TEX35: variants seen among roughly 807,000 people sequenced by gnomAD.
TEX35 encodes the protein testis expressed 35, also known as testis-expressed protein 35.
A neutral mutation model predicts 31.9 loss-of-function variants in TEX35; 26 were observed. That is an observed-to-expected ratio of 0.81 (90% CI 0.60 to 1.13). The LOEUF is 1.13. TEX35 is among the 50% of genes most tolerant of loss of function. The pLI is 0.00. For missense variants in TEX35, 278 were observed against 273.5 expected (o/e 1.02, Z -0.12); for synonymous variants, 87 against 90.7 (o/e 0.96, Z 0.23).
chr1:178,521,400 C>T, intron 8 of TEX35, 136 bp downstream of exon 8: 1 of 1,123,742 alleles, frequency 8.9e-7, no homozygotes, highest in Non-Finnish European at 1.4e-6. Context: ...GCAGATGCTG[C>T]CACCCAGCAT....
downstream of TEX35, chr1:178,523,176 G>C: frequency 3.3e-6 from 2 of 612,676 alleles, no homozygotes; most frequent in Non-Finnish European, 5.9e-6. Flanking sequence ...GTGTGTGTAC[G>C]ATATTTTCCT....
chr1:178,520,350 A>G, intron 5 of TEX35, 22 bp from the exon 6 acceptor site: 1 of 1,609,626 alleles, frequency 6.2e-7, no homozygotes, highest in Non-Finnish European at 8.5e-7. Flanking sequence ...TGAAGATGCT[A>G]GTTCTGAATT....
Position 178,521,272 on chromosome 1 carries a change from G to T in TEX35, c.586+8G>T. Reference sequence around the variant, plus strand: ...AGAACAACTACAATCGGGGTAGGTAGATTCATACAAGATGTGCCTTTTCTC... The same window carrying T: ...AGAACAACTACAATCGGGGTAGGTATATTCATACAAGATGTGCCTTTTCTC... On this transcript the variant is annotated splice_region_variant and intron_variant, in intron 8 of 8. Transcript: ENST00000319416. 1 of 1,614,210 alleles carries T rather than the reference G, an allele frequency of 6.2e-7. No individual in the cohort carries two copies. Among genetic ancestry groups the T allele is most frequent in the Non-Finnish European group, 8.5e-7 (1 of 1,180,030 alleles).
Position 178,520,833 on chromosome 1 carries a change from C to G in TEX35, c.502C>G (p.Gln168Glu). The G allele has an allele frequency of 3.1e-6, 5 of 1,614,184 alleles. No individual in the cohort carries two copies. The highest frequency in any genetic ancestry group is 4.2e-6 in the Non-Finnish European group (5 of 1,180,030). ...GACGATGGCACCACAAAAAACAAAA[C>G]AGGGCTCACTGGATCCCCTTCATCA... The part of the protein sequence containing the change: ...KKTMAPQKTK[Q>E]GSLDPLHHCG... The change falls in exon 7 of 9, where the codon CAG (glutamine) becomes GAG (glutamate). Residue 168 changes from glutamine to glutamate, a missense_variant. By Grantham distance (29) the Gln-to-Glu change is conservative (BLOSUM62 2). Transcript: ENST00000319416.
rs1304576450 is a variant in TEX35, at chr1:178,515,767, T to G, written c.160-92T>G. The G allele has an allele frequency of 3.1e-6, 3 of 981,000 alleles. No homozygotes were observed. The East Asian group carries it at 7.8e-5, about 25-fold the overall frequency. 60.8% of individuals were successfully genotyped at this position (981,000 alleles called of 1,614,324 possible). On this transcript the variant is annotated intron_variant, in intron 3 of 8. Coordinates refer to ENST00000319416, the MANE Select transcript of TEX35 (RefSeq NM_032126.5). ...CCTATTGAAAGCTTTTCTCTGACAGTGTCCCAGGATCTTTCCTTTCCTCCT... is the reference window on the plus strand; with the variant it reads ...CCTATTGAAAGCTTTTCTCTGACAGGGTCCCAGGATCTTTCCTTTCCTCCT...
chr1:178,515,949 A>T, intron 4 of TEX35, 34 bp downstream of exon 4: 3 of 1,526,326 alleles, frequency 2.0e-6, no homozygotes, highest in Non-Finnish European at 2.7e-6. Flanking sequence ...TCATGGAGGG[A>T]AAGTGTAGCT....
In TEX35 at chr1:178,515,922, A is replaced by C. The variant is rs1650059011; in HGVS notation, c.216+7A>C. On this transcript the variant is annotated splice_region_variant and intron_variant, in intron 4 of 8. Coordinates refer to ENST00000319416, the MANE Select transcript of TEX35 (RefSeq NM_032126.5). ...AATGGAGGAGATAAAACAGGTAAGA[A>C]GATGAGGCCTTCCATATCATGGAGG... is the stretch of plus-strand genomic sequence containing the variant. The C allele has an allele frequency of 1.2e-6, 2 of 1,608,180 alleles. No individual in the cohort carries two copies. Among genetic ancestry groups the C allele is most frequent in the African/African-American group, 1.3e-5 (1 of 74,922 alleles).
At chr1:178,513,967 A>T in intron 1 of TEX35, 60 bp from the exon 2 acceptor site, 1 of 1,590,676 alleles carries the variant, frequency 6.3e-7, no homozygotes, top group Middle Eastern at 1.7e-4. Context: ...CAAGGGCCAG[A>T]TGTTCTCCTC....
chr1:178,521,694 A>T (rs1172229048), intron 8 of TEX35: 17 of 1,551,962 alleles, frequency 1.1e-5, no homozygotes, highest in Middle Eastern at 1.7e-4. Context: ...ACCTACCAGC[A>T]GTTCCGATTC....
At chr1:178,522,745 G>A (rs116487519), downstream of TEX35, 1,317 of 870,924 alleles carry the variant, frequency 1.5e-3, 15 homozygotes, top group African/African-American at 0.022. Context: ...ACAAAGTTAT[G>A]CAAGGTGAAA....
rs965510046 is a variant in TEX35 at position 178,514,247 on chromosome 1, T to C, written c.90+170T>C. Reference sequence around the variant, plus strand: ...GAACTTCACACTGTAACCAATCAGATACATAAACGAACAAGGACTCATTCA... The same window carrying C: ...GAACTTCACACTGTAACCAATCAGACACATAAACGAACAAGGACTCATTCA... On this transcript the variant is annotated intron_variant, in intron 2 of 8. Transcript: ENST00000319416. The C allele has an allele frequency of 6.5e-6, 10 of 1,528,430 alleles. No individual in the cohort carries two copies. The African/African-American group carries it at 1.2e-4, about 19-fold the overall frequency. The allele number at this position is 1,528,430 out of a possible 1,614,324, so 94.7% of individuals were successfully genotyped here.
At position 178,520,741 on chromosome 1, in the gene TEX35, AG is replaced by A. The variant is rs780052363; in HGVS notation, c.411del (p.Gln137HisfsTer53). ...ATGGGAAAGACTCACAGAGAACCAC[AG>A]CTCAGGCCCAAGAAAATGGATGGAG... The part of the protein sequence containing the change: ...RLMGKTHREP[Q>X]LRPKKMDGAS... On this transcript the variant is annotated frameshift_variant, in exon 7 of 9. Transcript: ENST00000319416. LOFTEE classifies it high-confidence loss of function. 1 of 1,614,174 alleles carries A rather than the reference AG, an allele frequency of 6.2e-7. No individual in the cohort carries two copies. The highest frequency in any genetic ancestry group is 8.5e-7 in the Non-Finnish European group (1 of 1,180,034).
intron 2 of TEX35, 91 bp downstream of exon 2, chr1:178,514,168 G>A: frequency 6.2e-7 from 1 of 1,607,566 alleles, no homozygotes; most frequent in East Asian, 2.2e-5. Flanking sequence ...TGATCCTAGT[G>A]GCCAAGATTT....
At chr1:178,523,243 G>A, downstream of TEX35, 1 of 697,186 alleles carries the variant, frequency 1.4e-6, no homozygotes, top group Non-Finnish European at 2.6e-6. Context: ...TGTGAACAGT[G>A]ATGCAACAAA....
intron 3 of TEX35, among the ~76,000 whole-genome samples, 162 bp downstream of exon 3, chr1:178,514,930 A>G (rs12754916): frequency 0.023 from 3,457 of 152,316 alleles, 62 homozygotes; most frequent in Non-Finnish European, 0.037. Flanking sequence ...ATACTCATCT[A>G]TAGCCCTTGT....
chr1:178,521,551 C>T lies in TEX35; in HGVS notation c.586+287C>T, dbSNP rs564728349. 30 of 1,413,332 alleles carry T rather than the reference C, an allele frequency of 2.1e-5. No individual in the cohort carries two copies. The South Asian group carries it at 2.8e-4, about 13-fold the overall frequency. The allele number at this position is 1,413,332 out of a possible 1,614,324, so 87.5% of individuals were successfully genotyped here. ...TGCCTCAGGTCCTGCCCTTTCTCCC[C>T]ATCCAGTGGGAAATATTCACACCAG... On this transcript the variant is annotated intron_variant, in intron 8 of 8. Transcript: ENST00000319416.
At chr1:178,520,968 A>G in intron 7 of TEX35, 94 bp downstream of exon 7, 1 of 1,572,964 alleles carries the variant, frequency 6.4e-7, no homozygotes. Context: ...ATCATAGTGA[A>G]GGGACAGGTC....
chr1:178,515,946 G>A (rs1572173764), intron 4 of TEX35, 31 bp downstream of exon 4: 1 of 1,548,372 alleles, frequency 6.5e-7, no homozygotes, highest in East Asian at 2.2e-5. Flanking sequence ...ATATCATGGA[G>A]GGAAAGTGTA....
chr1:178,523,307 T>C (rs1312431938), downstream of TEX35: 2 of 701,268 alleles, frequency 2.9e-6, no homozygotes, highest in Admixed American at 2.0e-5. Flanking sequence ...TGTAGGTATA[T>C]ACGCTGCAGT....
Sources: allele counts gnomAD v4.1 joint callset (sites outside exome capture counted in the v4.1 genomes callset), GRCh38; gene constraint gnomAD v4.1.1; transcripts MANE v1.5; gene names NCBI Gene and HGNC (gene_info 2026-07-23, HGNC 2026-07-21).